Variants in ZSCAN5A observed in about 807,000 individuals in gnomAD.
ZSCAN5A encodes the protein zinc finger and SCAN domain-containing protein 5A.
ZSCAN5A carries 12 observed loss-of-function variants against 23.7 expected under a neutral mutation model. The observed-to-expected ratio is 0.51, with a 90% confidence interval of 0.32 to 0.82. ZSCAN5A has a LOEUF of 0.82. ZSCAN5A is among the 40% of genes least tolerant of loss of function. The pLI is 0.03. For missense variants in ZSCAN5A, 597 were observed against 617.9 expected (o/e 0.97, Z 0.36); for synonymous variants, 257 against 239.9 (o/e 1.07, Z -0.66).
intron 2 of ZSCAN5A, among the ~76,000 whole-genome samples, chr19:56,329,006 A>AAAAAAAAAT (rs1555811870): frequency 1.4e-5 from 2 of 144,510 alleles, no homozygotes; most frequent in African/African-American, 5.4e-5. Flanking sequence ...AAAAAAAAAA[A>AAAAAAAAAT]AAATAAATAA....
At chr19:56,347,145 C>T (rs1286128018) in intron 2 of ZSCAN5A, 1 of 152,004 alleles carries the variant, frequency 6.6e-6, no homozygotes, top group African/African-American at 2.4e-5. Context: ...TTCTCTCGGC[C>T]CTGAAGAAGG....
At chr19:56,302,311 TCCC>T (rs1332442687) in intron 2 of ZSCAN5A, among the ~76,000 whole-genome samples, 28 of 111,336 alleles carry the variant, frequency 2.5e-4, no homozygotes, top group African/African-American at 8.3e-4. Context: ...CCCTCTTTTC[TCCC>T]TCCCTCCCTC....
intron 2 of ZSCAN5A, chr19:56,244,073 C>T: frequency 8.3e-7 from 1 of 1,202,452 alleles, no homozygotes. Context: ...CTCATGGGGT[C>T]AGGGAGGACC....
intron 2 of ZSCAN5A, among the ~76,000 whole-genome samples, chr19:56,287,902 G>C (rs2039245920): frequency 6.6e-6 from 1 of 152,238 alleles, no homozygotes; most frequent in South Asian, 2.1e-4. Flanking sequence ...AAAAGCTACA[G>C]TGACCAGCTC....
At chr19:56,315,092 A>C (rs960727194), upstream of ZSCAN5A, 1 of 151,998 alleles carries the variant, frequency 6.6e-6, no homozygotes, top group African/African-American at 2.4e-5. Context: ...GTCGCTCTGA[A>C]CCTTTAGGAC....
chr19:56,355,110 T>C (rs1255047475), intron 2 of ZSCAN5A, among the ~76,000 whole-genome samples: 1 of 124,586 alleles, frequency 8.0e-6, no homozygotes, highest in East Asian at 2.0e-4. Context: ...CTATTGAGGA[T>C]AGTAATCATG....
At chr19:56,336,521 T>C (rs1191873221) in intron 2 of ZSCAN5A, among the ~76,000 whole-genome samples, 1 of 151,790 alleles carries the variant, frequency 6.6e-6, no homozygotes, top group African/African-American at 2.4e-5. Flanking sequence ...TCTTTGCCAT[T>C]GGTTCGAACT....
intron 2 of ZSCAN5A, chr19:56,246,431 T>G: frequency 1.8e-6 from 1 of 568,942 alleles, no homozygotes; most frequent in Admixed American, 2.7e-5. Context: ...AACACGGGAC[T>G]TACATCCCCA....
intron 2 of ZSCAN5A, among the ~76,000 whole-genome samples, chr19:56,273,617 T>C (rs1600150042): frequency 6.6e-6 from 1 of 152,186 alleles, no homozygotes; most frequent in Non-Finnish European, 1.5e-5. Flanking sequence ...AGGCAGAGAC[T>C]TGAATATGCA....
At chr19:56,239,825 A>G (rs1322595542) in intron 2 of ZSCAN5A, among the ~76,000 whole-genome samples, 1 of 151,578 alleles carries the variant, frequency 6.6e-6, no homozygotes, top group Non-Finnish European at 1.5e-5. Context: ...ATTTGTTAGG[A>G]TATTACTGTC....
At chr19:56,232,422 G>C (rs2034548279) in intron 2 of ZSCAN5A, among the ~76,000 whole-genome samples, 2 of 151,938 alleles carry the variant, frequency 1.3e-5, no homozygotes, top group South Asian at 4.2e-4. Flanking sequence ...CTGCTGAGTA[G>C]TATTCCAAAC....
intron 2 of ZSCAN5A, among the ~76,000 whole-genome samples, chr19:56,290,263 T>A (rs113504817): frequency 6.6e-5 from 10 of 152,216 alleles, no homozygotes; most frequent in African/African-American, 2.2e-4. Context: ...AAAGGCCCAC[T>A]GCTTGTTTTT....
rs370672645 is a variant in ZSCAN5A, at chr19:56,330,278, A to G, written c.-357-14010T>C. Among the ~76,000 whole-genome samples, 75 of 152,356 alleles carry G rather than the reference A, an allele frequency of 4.9e-4. 1 individual carries two copies. The highest frequency in any genetic ancestry group is 1.6e-3 in the African/African-American group (68 of 41,590). On this transcript the variant is annotated intron_variant, in intron 2 of 6. Transcript: ENST00000587340. Reference sequence around the variant, plus strand: ...ATTTCACATCTTTGCTTTTGTGAATAGCGCTGCAATGAACATATGGGTGCA... The same window carrying G: ...ATTTCACATCTTTGCTTTTGTGAATGGCGCTGCAATGAACATATGGGTGCA...
chr19:56,286,549 G>A (rs1436055021), intron 2 of ZSCAN5A: 1 of 152,180 alleles, frequency 6.6e-6, no homozygotes, highest in African/African-American at 2.4e-5. Flanking sequence ...GGAGACAACT[G>A]TGAAGATAAA....
intron 2 of ZSCAN5A, among the ~76,000 whole-genome samples, chr19:56,261,468 T>G (rs1237830433): frequency 6.6e-6 from 1 of 152,172 alleles, no homozygotes; most frequent in East Asian, 1.9e-4. Flanking sequence ...TGGCCCCCAC[T>G]GGTGAATGAA....
intron 2 of ZSCAN5A, chr19:56,297,463 T>C (rs930965567): frequency 1.1e-6 from 1 of 930,912 alleles, no homozygotes; most frequent in Non-Finnish European, 1.3e-6. Context: ...TCTTCCTCCT[T>C]CTCTTCCTGC....
chr19:56,240,131 T>C (rs948081910), intron 2 of ZSCAN5A, among the ~76,000 whole-genome samples: 3 of 150,852 alleles, frequency 2.0e-5, no homozygotes, highest in East Asian at 1.9e-4. Flanking sequence ...CACTGAACTC[T>C]AGCCTGGGGG....
chr19:56,345,358 T>C (rs1158650544), intron 2 of ZSCAN5A, among the ~76,000 whole-genome samples: 3 of 152,204 alleles, frequency 2.0e-5, no homozygotes, highest in African/African-American at 7.2e-5. Context: ...ACACAAGATA[T>C]ATTAGACATG....
At chr19:56,235,108 A>C (rs1423278428) in intron 2 of ZSCAN5A, among the ~76,000 whole-genome samples, 2 of 119,158 alleles carry the variant, frequency 1.7e-5, no homozygotes, top group African/African-American at 5.9e-5. Flanking sequence ...CGGTGGGCCA[A>C]GCCTCCACTC....
Sources: allele counts gnomAD v4.1 joint callset (sites outside exome capture counted in the v4.1 genomes callset), GRCh38; gene constraint gnomAD v4.1.1; transcripts MANE v1.5; gene names NCBI Gene and HGNC (gene_info 2026-07-23, HGNC 2026-07-21).